CTNNBL1: variants seen among roughly 807,000 people sequenced by gnomAD.
CTNNBL1 encodes beta-catenin-like protein 1.
CTNNBL1 carries 31 observed loss-of-function variants against 72.7 expected under a neutral mutation model. The ratio of observed to expected loss-of-function variants is 0.43; its 90% CI spans 0.32 to 0.58. The LOEUF is 0.58. CTNNBL1 is among the 20% of genes least tolerant of loss of function. The pLI, the probability that CTNNBL1 is intolerant of heterozygous loss-of-function variation, is 0.08. For synonymous variants in CTNNBL1, 240 were observed against 267.3 expected, an observed-to-expected ratio of 0.90 and a Z score of 1.00; for missense variants, 534 against 725.1, an observed-to-expected ratio of 0.74 and a Z score of 3.03.
chr20:37,861,310 C>T (rs2072489613), intron 15 of CTNNBL1, among the ~76,000 whole-genome samples: 2 of 152,208 alleles, frequency 1.3e-5, no homozygotes, highest in South Asian at 4.1e-4. Flanking sequence ...GGCCTCCAGT[C>T]GGTGAGCAAG....
intron 13 of CTNNBL1, among the ~76,000 whole-genome samples, chr20:37,852,563 A>C (rs6096522): frequency 0.82 from 124,015 of 151,998 alleles, 50,646 homozygotes; most frequent in Middle Eastern, 0.89. Flanking sequence ...CCACATACCC[A>C]TACGCAGGTA....
chr20:37,698,693 T>G (rs2072813626), intron 1 of CTNNBL1, among the ~76,000 whole-genome samples: 1 of 152,224 alleles, frequency 6.6e-6, no homozygotes, highest in African/African-American at 2.4e-5. Flanking sequence ...AAGGCTGGAA[T>G]GTAGTTCATA....
chr20:37,772,910 A>G (rs1486668332), intron 7 of CTNNBL1, among the ~76,000 whole-genome samples: 2 of 152,070 alleles, frequency 1.3e-5, no homozygotes, highest in Non-Finnish European at 2.9e-5. Flanking sequence ...CAACAAATCA[A>G]CCCCCACTAA....
chr20:37,838,316 T>C (rs1021250343), intron 11 of CTNNBL1, among the ~76,000 whole-genome samples: 12 of 152,142 alleles, frequency 7.9e-5, no homozygotes, highest in Non-Finnish European at 1.5e-4. Flanking sequence ...GACTTACTAG[T>C]AGGCTATTGA....
chr20:37,762,886 G>A (rs184283493), intron 5 of CTNNBL1, among the ~76,000 whole-genome samples: 54 of 152,290 alleles, frequency 3.5e-4, no homozygotes, highest in African/African-American at 1.2e-3. Flanking sequence ...GATTTCCGTA[G>A]CAAGAAGAAA....
intron 11 of CTNNBL1, among the ~76,000 whole-genome samples, chr20:37,806,194 A>C (rs1278791859): frequency 6.6e-6 from 1 of 152,050 alleles, no homozygotes; most frequent in African/African-American, 2.4e-5. Context: ...CTGTACACTG[A>C]CCTTCCCTAT....
chr20:37,803,144 A>G (rs2073837039), intron 11 of CTNNBL1, 96 bp downstream of exon 11: 1 of 1,050,140 alleles, frequency 9.5e-7, no homozygotes, highest in Admixed American at 2.6e-5. Flanking sequence ...TTTGGGGGAT[A>G]GAGGGGAAGA....
At chr20:37,831,686 G>C (rs1413288932) in intron 11 of CTNNBL1, among the ~76,000 whole-genome samples, 1 of 152,010 alleles carries the variant, frequency 6.6e-6, no homozygotes, top group African/African-American at 2.4e-5. Context: ...ATTTCTTAGC[G>C]TTAATCATAA....
intron 10 of CTNNBL1, among the ~76,000 whole-genome samples, chr20:37,786,507 A>G (rs914500685): frequency 6.6e-6 from 1 of 152,228 alleles, no homozygotes; most frequent in East Asian, 1.9e-4. Flanking sequence ...TTTTTAGAGA[A>G]CCAACTCTTG....
intron 2 of CTNNBL1, among the ~76,000 whole-genome samples, chr20:37,735,386 T>G (rs1266067884): frequency 6.6e-6 from 1 of 152,218 alleles, no homozygotes; most frequent in Non-Finnish European, 1.5e-5. Context: ...TCCTGCCAGA[T>G]CCTTACGTAG....
rs576910280 is a variant in CTNNBL1 at position 37,740,343 on chromosome 20, A to G, written c.326+2859A>G. Among the ~76,000 whole-genome samples, 8 of 152,300 alleles carry G rather than the reference A, an allele frequency of 5.3e-5. No homozygotes were observed. In the South Asian group the frequency reaches 1.0e-3, roughly 20 times the overall value. On this transcript the variant is annotated intron_variant, in intron 3 of 15. Transcript: ENST00000361383. ...AAATTGCTAGAGTGTATTCGGATGA[A>G]ACTTTCCGGTTGAGATCAGAAACAT...
At chr20:37,845,364 G>GAGAGTAATC (rs2122825732) in intron 13 of CTNNBL1, among the ~76,000 whole-genome samples, 1 of 152,306 alleles carries the variant, frequency 6.6e-6, no homozygotes, top group South Asian at 2.1e-4. Context: ...AGCACTGACG[G>GAGAGTAATC]AGAGTAATCG....
intron 11 of CTNNBL1, among the ~76,000 whole-genome samples, chr20:37,833,885 C>G (rs1382225722): frequency 4.6e-5 from 7 of 152,140 alleles, no homozygotes; most frequent in Non-Finnish European, 4.4e-5. Flanking sequence ...GCTAATGAAA[C>G]TCGGTGTGTG....
At chr20:37,814,943 C>A (rs1341964803) in intron 11 of CTNNBL1, among the ~76,000 whole-genome samples, 1 of 152,110 alleles carries the variant, frequency 6.6e-6, no homozygotes, top group Non-Finnish European at 1.5e-5. Context: ...AAAATAAACT[C>A]ATGCAGAAAA....
chr20:37,854,469 T>G (rs6021382), intron 13 of CTNNBL1, among the ~76,000 whole-genome samples: 8 of 151,990 alleles, frequency 5.3e-5, no homozygotes, highest in African/African-American at 1.9e-4. Flanking sequence ...GTCCCAGTTC[T>G]GCCACCCACT....
intron 4 of CTNNBL1, among the ~76,000 whole-genome samples, chr20:37,756,633 CTT>C (rs373023677): frequency 1.5e-5 from 2 of 130,048 alleles, no homozygotes; most frequent in Admixed American, 7.7e-5. Flanking sequence ...CTCTCCCTTT[CTT>C]TTTTTTTTTT....
At chr20:37,803,347 A>G (rs1355508010) in intron 11 of CTNNBL1, among the ~76,000 whole-genome samples, 2 of 152,080 alleles carry the variant, frequency 1.3e-5, no homozygotes, top group African/African-American at 4.8e-5. Context: ...TGTCTCTCTG[A>G]TGGAAGACCC....
intron 1 of CTNNBL1, 32 bp downstream of exon 1, chr20:37,694,184 G>T: frequency 6.4e-7 from 1 of 1,573,312 alleles, no homozygotes; most frequent in Non-Finnish European, 8.6e-7. Context: ...GAGCGACCGC[G>T]TTCTCACCTG....
At chr20:37,828,085 A>G (rs1233139464) in intron 11 of CTNNBL1, among the ~76,000 whole-genome samples, 2 of 152,092 alleles carry the variant, frequency 1.3e-5, no homozygotes, top group African/African-American at 4.8e-5. Context: ...ATACATACGT[A>G]CCTCTTCAAG....
Sources: gnomAD v4.1 joint callset for allele counts (sites outside exome capture counted in the v4.1 genomes callset) on GRCh38, gnomAD v4.1.1 for gene constraint, MANE v1.5 for transcripts, NCBI Gene and HGNC (gene_info 2026-07-23, HGNC 2026-07-21) for gene names.